The following FER1L6 variants were observed in gnomAD, a reference collection of about 807,000 sequenced individuals.
FER1L6 encodes fer-1 like family member 6.
Under a neutral mutation model 219.2 loss-of-function variants are expected in FER1L6, and 177 were observed. The observed-to-expected ratio is 0.81, with a 90% CI of 0.71 to 0.91. The LOEUF (loss-of-function observed/expected upper bound fraction) is 0.91, where lower values mean the gene tolerates loss of function less well. FER1L6 is among the 40% of genes least tolerant of loss of function. The pLI, the probability that FER1L6 is intolerant of heterozygous loss-of-function variation, is 0.00. For synonymous variants in FER1L6, 768 were observed against 824.3 expected (o/e 0.93, Z 1.17); for missense variants, 2,153 against 2,259.9 (o/e 0.95, Z 0.96).
At chr8:123,884,856 C>T (rs1002714341) in intron 1 of FER1L6, among the ~76,000 whole-genome samples, 7 of 152,160 alleles carry the variant, frequency 4.6e-5, no homozygotes, top group Admixed American at 2.0e-4. Context: ...TTGGGCAGTG[C>T]AGTGGGTGGA....
chr8:123,894,610 A>G (rs1310617665), intron 1 of FER1L6, among the ~76,000 whole-genome samples: 3 of 152,204 alleles, frequency 2.0e-5, no homozygotes, highest in Non-Finnish European at 4.4e-5. Context: ...AGGAACAGTG[A>G]CACTCCAATA....
intron 6 of FER1L6, among the ~76,000 whole-genome samples, chr8:123,972,487 T>G (rs1815862446): frequency 2.0e-5 from 3 of 152,234 alleles, no homozygotes; most frequent in African/African-American, 7.2e-5. Context: ...AACTTCCAAC[T>G]GGTGCCAGAA....
chr8:123,982,310 G>A (rs1229747226), intron 11 of FER1L6, among the ~76,000 whole-genome samples: 1 of 152,036 alleles, frequency 6.6e-6, no homozygotes, highest in Non-Finnish European at 1.5e-5. Flanking sequence ...GTAGAAAGAG[G>A]CTAGAAAAAT....
At chr8:123,989,402 T>A (rs1816747084) in intron 12 of FER1L6, among the ~76,000 whole-genome samples, 1 of 152,326 alleles carries the variant, frequency 6.6e-6, no homozygotes, top group Non-Finnish European at 1.5e-5. Flanking sequence ...AAAATATTTT[T>A]AAAATATCAG....
chr8:123,977,669 T>C (rs1359071135), intron 10 of FER1L6, 60 bp downstream of exon 10: 16 of 1,503,110 alleles, frequency 1.1e-5, no homozygotes. Flanking sequence ...AGAGCCCTCA[T>C]CTTTAAAAGG....
At chr8:123,930,508 TAGAAAG>T (rs1269893035) in intron 1 of FER1L6, among the ~76,000 whole-genome samples, 3 of 152,284 alleles carry the variant, frequency 2.0e-5, no homozygotes, top group African/African-American at 4.8e-5. Flanking sequence ...AGCTGGGCCT[TAGAAAG>T]AGAAGAGGCA....
In FER1L6 at chr8:124,101,244, C is replaced by A; in HGVS notation, c.5031C>A (p.Asn1677Lys). ...EKQMVITKRE[N>K]IFSLEKMECK... The stretch of plus-strand genomic sequence containing the variant: ...AAATGGTCATTACCAAGAGGGAGAA[C>A]ATCTTCTCTTTAGAGAAGATGGAGT... Residue 1677 changes from asparagine to lysine, a missense_variant, in exon 38 of 41, where the codon AAC becomes AAA. By Grantham distance (94) the Asn-to-Lys change is moderately conservative. Transcript: ENST00000522917. 2 of 1,613,852 alleles carry A rather than the reference C, an allele frequency of 1.2e-6. No individual in the cohort carries two copies. Among genetic ancestry groups the A allele is most frequent in the South Asian group, 1.1e-5 (1 of 91,080 alleles).
intron 19 of FER1L6, among the ~76,000 whole-genome samples, chr8:124,039,615 T>C (rs1819381295): frequency 6.6e-6 from 1 of 152,226 alleles, no homozygotes; most frequent in African/African-American, 2.4e-5. Flanking sequence ...GAGAGCATGC[T>C]ATTTCGCATG....
chr8:123,954,781 A>G (rs1814937597), intron 1 of FER1L6, among the ~76,000 whole-genome samples: 2 of 152,326 alleles, frequency 1.3e-5, no homozygotes, highest in East Asian at 1.9e-4. Context: ...TCCTAAACAT[A>G]TAAGCAAAAT....
chr8:124,006,047 G>A (rs916498593), intron 13 of FER1L6, among the ~76,000 whole-genome samples: 2 of 152,172 alleles, frequency 1.3e-5, no homozygotes, highest in African/African-American at 4.8e-5. Flanking sequence ...CAACACCAGA[G>A]AGAACCCAAA....
intron 1 of FER1L6, among the ~76,000 whole-genome samples, chr8:123,916,327 C>A (rs1813190051): frequency 6.6e-6 from 1 of 152,164 alleles, no homozygotes. Context: ...ACAAAGATGC[C>A]CTTCAACAGA....
intron 25 of FER1L6, 144 bp downstream of exon 25, chr8:124,062,176 C>A: frequency 2.5e-6 from 2 of 787,034 alleles, no homozygotes; most frequent in Middle Eastern, 3.8e-4. Flanking sequence ...CCTGCAGGGG[C>A]CTCTGCTTTC....
chr8:123,970,188 G>A, intron 6 of FER1L6, 91 bp downstream of exon 6: 1 of 1,163,284 alleles, frequency 8.6e-7, no homozygotes, highest in East Asian at 2.4e-5. Context: ...ATACTTAGCG[G>A]GGAATAGATT....
intron 1 of FER1L6, among the ~76,000 whole-genome samples, chr8:123,897,475 A>G (rs529682743): frequency 6.6e-6 from 1 of 152,342 alleles, no homozygotes; most frequent in Admixed American, 6.5e-5. Flanking sequence ...CCCCATGTGT[A>G]AAGATTTAAA....
chr8:124,096,602 T>C (rs1037589054), intron 35 of FER1L6, among the ~76,000 whole-genome samples: 18 of 152,194 alleles, frequency 1.2e-4, no homozygotes, highest in African/African-American at 4.3e-4. Flanking sequence ...TAAAATCTGA[T>C]GTATGGAGTT....
At chr8:123,939,192 A>T in intron 1 of FER1L6, 1 of 985,310 alleles carries the variant, frequency 1.0e-6, no homozygotes, top group Non-Finnish European at 1.2e-6. Context: ...GTCTCCACTG[A>T]GGTGAGCTAA....
chr8:124,029,021 C>A (rs753452481), intron 18 of FER1L6, among the ~76,000 whole-genome samples: 1 of 152,136 alleles, frequency 6.6e-6, no homozygotes, highest in Non-Finnish European at 1.5e-5. Flanking sequence ...TGAATGAGAA[C>A]ATGCAGTGTT....
chr8:123,959,684 G>C (rs1293086716), intron 2 of FER1L6, among the ~76,000 whole-genome samples: 1 of 152,160 alleles, frequency 6.6e-6, no homozygotes, highest in Non-Finnish European at 1.5e-5. Flanking sequence ...AAGCTGGAAG[G>C]TACCTTAGAA....
At chr8:123,911,669 T>C (rs34943415) in intron 1 of FER1L6, among the ~76,000 whole-genome samples, 40,831 of 152,018 alleles carry the variant, frequency 0.27, 5,792 homozygotes, top group East Asian at 0.44. Flanking sequence ...GATTGCCTAA[T>C]CTAGGCCCTT....
Sources: gnomAD v4.1 joint callset for allele counts (sites outside exome capture counted in the v4.1 genomes callset) on GRCh38, gnomAD v4.1.1 for gene constraint, MANE v1.5 for transcripts, NCBI Gene and HGNC (gene_info 2026-07-23, HGNC 2026-07-21) for gene names.